The following WFDC1 variants were observed in gnomAD, a reference collection of about 807,000 sequenced individuals.
The protein encoded by WFDC1 is WAP four-disulfide core domain protein 1.
Under a neutral mutation model 32.9 loss-of-function variants are expected in WFDC1, and 39 were observed. The ratio of observed to expected loss-of-function variants is 1.19; its 90% confidence interval spans 0.92 to 1.55. WFDC1 has a LOEUF of 1.55. Ranked by LOEUF, WFDC1 falls within the 40% of genes most tolerant of loss-of-function variation. The pLI is 0.00. For synonymous variants in WFDC1, 184 were observed against 137.4 expected (o/e 1.34, Z -2.37); for missense variants, 386 against 309.5 (o/e 1.25, Z -1.85).
chr16:84,323,302 C>T (rs867961335), intron 4 of WFDC1, among the ~76,000 whole-genome samples: 12 of 152,204 alleles, frequency 7.9e-5, no homozygotes, highest in South Asian at 2.1e-4. Context: ...GTCTGGCTAC[C>T]GCGCATATGT....
intron 1 of WFDC1, among the ~76,000 whole-genome samples, chr16:84,306,920 A>G (rs1010985345): frequency 6.6e-6 from 1 of 152,222 alleles, no homozygotes; most frequent in African/African-American, 2.4e-5. Context: ...ACAGCAAACA[A>G]ATGAGTTCAT....
intron 1 of WFDC1, among the ~76,000 whole-genome samples, chr16:84,297,598 C>T (rs939494244): frequency 1.1e-5 from 1 of 95,110 alleles, no homozygotes; most frequent in Admixed American, 1.8e-4. Context: ...GCCTGGGCAA[C>T]AAGAGTGAAA....
chr16:84,300,223 T>A (rs893384641), intron 1 of WFDC1, among the ~76,000 whole-genome samples: 3 of 152,200 alleles, frequency 2.0e-5, no homozygotes, highest in Admixed American at 1.3e-4. Flanking sequence ...CCACACACAG[T>A]CAGGCCAAGG....
intron 6 of WFDC1, chr16:84,329,058 C>T (rs34170408): frequency 0.12 from 18,807 of 152,192 alleles, 1,211 homozygotes; most frequent in South Asian, 0.16. Context: ...AAGCCTCAGC[C>T]TCCTCATCTA....
rs1907728133 is a variant in WFDC1 at position 84,312,989 on chromosome 16, C to T, written c.173C>T (p.Pro58Leu). The change falls in exon 2 of 7, where the codon CCC becomes CTC. Residue 58 changes from proline to leucine, a missense_variant. Coordinates refer to ENST00000219454, the MANE Select transcript of WFDC1 (RefSeq NM_021197.4). ...RAEEAGAPGG[P>L]RQPRADRCPP... is the part of the protein sequence containing the mutation. ...GAGGAGGCGGGCGCGCCCGGCGGCC[C>T]CCGGCAGCCCCGAGCAGACCGCTGC... 2 of 1,192,592 alleles carry T rather than the reference C, an allele frequency of 1.7e-6. No homozygotes were observed. 73.9% of individuals were successfully genotyped at this position (1,192,592 alleles called of 1,614,324 possible). A position where few individuals can be genotyped will look rare whatever the true frequency, so the allele number is the denominator to read the frequency against.
chr16:84,313,040 C>G lies in WFDC1; in HGVS notation c.224C>G (p.Pro75Arg). Residue 75 changes from proline to arginine, a missense_variant, in exon 2 of 7, where the codon CCC (proline) becomes CGC (arginine). Physicochemically the swap from Pro to Arg is moderately radical, Grantham distance 103. Coordinates refer to ENST00000219454, the MANE Select transcript of WFDC1 (RefSeq NM_021197.4). The stretch of plus-strand genomic sequence containing the variant: ...CCGCCGCCTCCGCGGACGCTGCCCC[C>G]CGGCGCCTGCCAGGCCGCGCGCTGT... ...RCPPPPRTLP[P>R]GACQAARCQA... 2 of 1,367,146 alleles carry G rather than the reference C, an allele frequency of 1.5e-6. No individual in the cohort carries two copies. The highest frequency in any genetic ancestry group is 1.9e-6 in the Non-Finnish European group (2 of 1,061,526). 84.7% of individuals were successfully genotyped at this position (1,367,146 alleles called of 1,614,324 possible). A position where few individuals can be genotyped will look rare whatever the true frequency, so the allele number is the denominator to read the frequency against.
chr16:84,326,527 CT>C (rs1319639607), intron 5 of WFDC1: 1 of 234,782 alleles, frequency 4.3e-6, no homozygotes, highest in Non-Finnish European at 8.5e-6. Context: ...AAAAGGCTTC[CT>C]AAGGAGGAGA....
Position 84,324,465 on chromosome 16 carries a change from A to T in WFDC1, c.604+5A>T, listed in dbSNP as rs1199275307. ...AACTTTACAAAGAATATCCAGGTAA[A>T]AGAAGAAACTGTTCTTTCTTTCCAG... is the stretch of plus-strand genomic sequence containing the variant. On this transcript the variant is annotated splice_donor_5th_base_variant and intron_variant, in intron 5 of 6. Transcript: ENST00000219454. 8 of 1,613,426 alleles carry T rather than the reference A, an allele frequency of 5.0e-6. No individual in the cohort carries two copies. Among genetic ancestry groups the T allele is most frequent in the Non-Finnish European group, 6.8e-6 (8 of 1,179,796 alleles).
intron 1 of WFDC1, among the ~76,000 whole-genome samples, chr16:84,302,486 G>C (rs1014006545): frequency 2.0e-5 from 3 of 152,114 alleles, no homozygotes; most frequent in African/African-American, 2.4e-5. Context: ...GCACCGAGAG[G>C]CAGCCTCTCA....
At chr16:84,325,215 T>A (rs1022565955) in intron 5 of WFDC1, among the ~76,000 whole-genome samples, 1 of 151,722 alleles carries the variant, frequency 6.6e-6, no homozygotes, top group Non-Finnish European at 1.5e-5. Flanking sequence ...CCTTTTTTTT[T>A]TTTTTGAGAT....
intron 2 of WFDC1, 145 bp downstream of exon 2, chr16:84,313,298 G>A (rs917786941): frequency 1.0e-5 from 7 of 668,932 alleles, no homozygotes; most frequent in African/African-American, 3.8e-5. Context: ...TGTGAACTGG[G>A]ACGGGCGCTC....
chr16:84,327,016 A>G, intron 6 of WFDC1, 61 bp downstream of exon 6: 2 of 1,540,468 alleles, frequency 1.3e-6, no homozygotes, highest in Middle Eastern at 1.7e-4. Context: ...GTGTCCTGGC[A>G]GCTTTCACCA....
chr16:84,296,378 C>T (rs79258317), intron 1 of WFDC1, among the ~76,000 whole-genome samples: 6,098 of 152,250 alleles, frequency 0.04, 169 homozygotes, highest in Non-Finnish European at 0.058. Flanking sequence ...ATTAAGTTGA[C>T]GCCTGGTACA....
At chr16:84,304,525 G>T (rs1216085814) in intron 1 of WFDC1, among the ~76,000 whole-genome samples, 2 of 152,070 alleles carry the variant, frequency 1.3e-5, no homozygotes, top group Admixed American at 6.6e-5. Flanking sequence ...ACCGCGCCCG[G>T]CCAGGAATCA....
At chr16:84,320,142 A>G (rs561139554) in intron 4 of WFDC1, among the ~76,000 whole-genome samples, 2 of 152,294 alleles carry the variant, frequency 1.3e-5, no homozygotes, top group South Asian at 4.1e-4. Context: ...ATGGTAATCA[A>G]ATTACACGAC....
At chr16:84,328,447 A>G (rs144880447) in intron 6 of WFDC1, 1 of 152,230 alleles carries the variant, frequency 6.6e-6, no homozygotes, top group Non-Finnish European at 1.5e-5. Flanking sequence ...CTGAAACGCA[A>G]ATGTCAGATT....
Position 84,302,271 on chromosome 16 carries a change from G to A in WFDC1, c.144+7156G>A, listed in dbSNP as rs142606807. Among the ~76,000 whole-genome samples the A allele has an allele frequency of 2.6e-5, 4 of 152,294 alleles. No individual in the cohort carries two copies. The East Asian group carries it at 5.8e-4, about 22-fold the overall frequency. ...TTCTGCCTGGGGTGATGGAAAAGCC[G>A]CAGAAATAGATCATGGAGGTGGTTG... On this transcript the variant is annotated intron_variant, in intron 1 of 6. Transcript: ENST00000219454.
At chr16:84,306,787 A>ATCATCG in intron 1 of WFDC1, among the ~76,000 whole-genome samples, 1 of 151,810 alleles carries the variant, frequency 6.6e-6, no homozygotes, top group South Asian at 2.1e-4. Flanking sequence ...CATCATCATC[A>ATCATCG]TCACAGCTTT....
At chr16:84,313,249 G>T in intron 2 of WFDC1, 96 bp downstream of exon 2, 4 of 1,212,190 alleles carry the variant, frequency 3.3e-6, no homozygotes, top group South Asian at 4.9e-5. Flanking sequence ...CTTAAAGCTG[G>T]GCCACCTGGG....
Sources: gnomAD v4.1 joint callset for allele counts (sites outside exome capture counted in the v4.1 genomes callset) on GRCh38, gnomAD v4.1.1 for gene constraint, MANE v1.5 for transcripts, NCBI Gene and HGNC (gene_info 2026-07-23, HGNC 2026-07-21) for gene names.